OR1D2: variants seen among roughly 807,000 people sequenced by gnomAD.
The protein encoded by OR1D2 is olfactory receptor family 1 subfamily D member 2, also known as olfactory receptor 1D2.
For missense variants in OR1D2, 357 were observed against 376.1 expected, an observed-to-expected ratio of 0.95 and a Z score of 0.42; for synonymous variants, 157 against 153.9, an observed-to-expected ratio of 1.02 and a Z score of -0.15.
chr17:3,101,798 C>T (rs928127571), intron 1 of OR1D2, among the ~76,000 whole-genome samples: 4 of 152,078 alleles, frequency 2.6e-5, no homozygotes, highest in Admixed American at 6.6e-5. Context: ...ACTTCTTAAG[C>T]GATAAGCAAC....
chr17:3,094,220 T>C (rs1055315009), intron 1 of OR1D2, among the ~76,000 whole-genome samples: 10 of 152,180 alleles, frequency 6.6e-5, no homozygotes, highest in Admixed American at 3.9e-4. Flanking sequence ...AAATGGCACA[T>C]TGAGATAACT....
chr17:3,101,319 C>T (rs1291978209), intron 1 of OR1D2, among the ~76,000 whole-genome samples: 1 of 152,138 alleles, frequency 6.6e-6, no homozygotes, highest in African/African-American at 2.4e-5. Flanking sequence ...AAAAGCTTAT[C>T]CACCACGATT....
chr17:3,093,151 T>C (rs2047826238), intron 1 of OR1D2, 105 bp from the exon 2 acceptor site: 3 of 708,190 alleles, frequency 4.2e-6, no homozygotes, highest in Admixed American at 5.9e-5. Flanking sequence ...AAGTGAAAAA[T>C]ATAACAAAGT....
At chr17:3,098,510 C>T (rs2047858153) in intron 1 of OR1D2, among the ~76,000 whole-genome samples, 1 of 152,118 alleles carries the variant, frequency 6.6e-6, no homozygotes, top group Admixed American at 6.5e-5. Flanking sequence ...AAAACCCCAT[C>T]CAAGGGGCGG....
In OR1D2 at chr17:3,104,148, C is replaced by G. The variant is rs565137142; in HGVS notation, c.-100G>C. On this transcript the variant is annotated 5_prime_UTR_variant, in exon 1 of 2. Transcript: ENST00000641833. ...TCAGAGTTCACTGGTTCAGCTTCCT[C>G]CACGTTCCTGTTCTACAGGATGAAA... 1 of 152,354 alleles carries G rather than the reference C, an allele frequency of 6.6e-6. No homozygotes were observed. The highest frequency in any genetic ancestry group is 6.5e-5 in the Admixed American group (1 of 15,300). The allele number at this position is 152,354 out of a possible 1,614,324, so 9.4% of individuals were successfully genotyped here.
rs757500317 is a variant in OR1D2, at chr17:3,092,506, G to A, written c.491C>T (p.Thr164Ile). 5.5e-5 allele frequency: 89 copies of A among 1,614,016 alleles called. No homozygotes were observed. The highest frequency in any genetic ancestry group is 1.2e-4 in the African/African-American group (9 of 74,896). ...TCGTGACCCACAGAAGGTCACTCTG[G>A]TCATGAGGAGGGTGTGTATGAGGCC... ...LYGLIHTLLM[T>I]RVTFCGSRKI... is the part of the protein sequence containing the mutation. Residue 164 changes from threonine to isoleucine, a missense_variant, in exon 2 of 2, where the codon ACC (threonine) becomes ATC (isoleucine). Transcript: ENST00000641833.
chr17:3,093,066 G>A lies in OR1D2; in HGVS notation c.-50-20C>T. 1 of 1,369,572 alleles carries A rather than the reference G, an allele frequency of 7.3e-7. No individual in the cohort carries two copies. The highest frequency in any genetic ancestry group is 1.0e-6 in the Non-Finnish European group (1 of 986,254). 84.8% of individuals were successfully genotyped at this position (1,369,572 alleles called of 1,614,324 possible). A position where few individuals can be genotyped will look rare whatever the true frequency, so the allele number is the denominator to read the frequency against. On this transcript the variant is annotated intron_variant, in intron 1 of 1. Coordinates refer to ENST00000641833, the MANE Select transcript of OR1D2 (RefSeq NM_002548.3). ...AAAGTCCTTAATTGAATAAAAACAT[G>A]AAGATAAGCAAAATCAACATTTTCT...
intron 1 of OR1D2, among the ~76,000 whole-genome samples, chr17:3,094,103 C>A (rs781400306): frequency 6.6e-6 from 1 of 152,096 alleles, no homozygotes; most frequent in Non-Finnish European, 1.5e-5. Context: ...CACAGATAGA[C>A]ACAAAAACGT....
chr17:3,089,668 G>A lies in OR1D2; in HGVS notation c.*2390C>T, dbSNP rs2151706045. On this transcript the variant is annotated 3_prime_UTR_variant, in exon 2 of 2. Coordinates refer to ENST00000641833, the MANE Select transcript of OR1D2 (RefSeq NM_002548.3). ...GAGAAAGACCATTAGGTTGGGGCAG[G>A]GTTAGGCATGTGTGAGCTCCGACTC... 6.6e-6 allele frequency: 1 copy of A among 152,480 alleles called. No homozygotes were observed. Among genetic ancestry groups the A allele is most frequent in the Admixed American group, 6.5e-5 (1 of 15,304 alleles). 9.4% of individuals were successfully genotyped at this position (152,480 alleles called of 1,614,324 possible). A position where few individuals can be genotyped will look rare whatever the true frequency, so the allele number is the denominator to read the frequency against.
intron 1 of OR1D2, among the ~76,000 whole-genome samples, chr17:3,094,793 G>T (rs981893433): frequency 6.6e-6 from 1 of 152,084 alleles, no homozygotes; most frequent in Non-Finnish European, 1.5e-5. Context: ...CAGTGAGAAT[G>T]TCATGACAAA....
intron 1 of OR1D2, among the ~76,000 whole-genome samples, chr17:3,095,969 A>T (rs986394100): frequency 6.6e-6 from 1 of 152,144 alleles, no homozygotes; most frequent in Non-Finnish European, 1.5e-5. Context: ...TAATAGAATT[A>T]TATAGAAATC....
chr17:3,093,003 A>G lies in OR1D2; in HGVS notation c.-7T>C. On this transcript the variant is annotated 5_prime_UTR_variant, in exon 2 of 2. Transcript: ENST00000641833. Reference sequence around the variant, plus strand: ...TCTGGTTGCCTCCATCCATTTCCCCAACTCTCTTTTAACATTAACACCAGC... The same window carrying G: ...TCTGGTTGCCTCCATCCATTTCCCCGACTCTCTTTTAACATTAACACCAGC... 1.9e-6 allele frequency: 3 copies of G among 1,613,064 alleles called. No homozygotes were observed. Among genetic ancestry groups the G allele is most frequent in the Non-Finnish European group, 1.7e-6 (2 of 1,179,338 alleles).
At position 3,104,114 on chromosome 17, in the gene OR1D2, G is replaced by C. The variant is rs1287714995; in HGVS notation, c.-66C>G. 1 of 152,234 alleles carries C rather than the reference G, an allele frequency of 6.6e-6. No homozygotes were observed. The highest frequency in any genetic ancestry group is 2.4e-5 in the African/African-American group (1 of 41,442). 9.4% of individuals were successfully genotyped at this position (152,234 alleles called of 1,614,324 possible). On this transcript the variant is annotated 5_prime_UTR_variant, in exon 1 of 2. Coordinates refer to ENST00000641833, the MANE Select transcript of OR1D2 (RefSeq NM_002548.3). ...ATGTACAGACCTTACCCACTGCTCT[G>C]TGCTGCTCTCAGAGTTCACTGGTTC...
chr17:3,102,201 G>T (rs569929035), intron 1 of OR1D2, among the ~76,000 whole-genome samples: 5 of 152,340 alleles, frequency 3.3e-5, no homozygotes, highest in Non-Finnish European at 7.4e-5. Flanking sequence ...AGCAAATGGA[G>T]ATGAGGGAAC....
rs1162444644 is a variant in OR1D2 at position 3,092,326 on chromosome 17, G to T, written c.671C>A (p.Ala224Asp). 1.9e-6 allele frequency: 3 copies of T among 1,614,088 alleles called. No individual in the cohort carries two copies. In the African/African-American group the frequency reaches 4.0e-5, roughly 22 times the overall value. The change falls in exon 2 of 2, where the codon GCC becomes GAC. Residue 224 changes from alanine to aspartate, a missense_variant. Ala to Asp is a moderately radical substitution (Grantham distance 126). Coordinates refer to ENST00000641833, the MANE Select transcript of OR1D2 (RefSeq NM_002548.3). ...VIISYVLIIR[A>D]ILRIPSVSKK... is the part of the protein sequence containing the mutation. ...AGAGACTGAGGGTATTCTGAGGATG[G>T]CTCTGATAATCAGCACATAGGAAAT...
intron 1 of OR1D2, among the ~76,000 whole-genome samples, chr17:3,098,732 G>A (rs772675437): frequency 2.0e-5 from 3 of 152,066 alleles, no homozygotes; most frequent in Non-Finnish European, 2.9e-5. Flanking sequence ...AAACTCCTCC[G>A]AGCTAAAGGA....
chr17:3,099,065 A>T (rs560135459), intron 1 of OR1D2, among the ~76,000 whole-genome samples: 1 of 152,330 alleles, frequency 6.6e-6, no homozygotes, highest in South Asian at 2.1e-4. Flanking sequence ...GGAGTACCTG[A>T]AGGAGACAGG....
chr17:3,092,010 G>T lies in OR1D2; in HGVS notation c.*48C>A. On this transcript the variant is annotated 3_prime_UTR_variant, in exon 2 of 2. Transcript: ENST00000641833. ...CACAGGACAATCCCTTACATAGGGT[G>T]AAGGATATTCCTAGTCTCCACTTTA... 1 of 1,387,544 alleles carries T rather than the reference G, an allele frequency of 7.2e-7. No homozygotes were observed. Among genetic ancestry groups the T allele is most frequent in the Non-Finnish European group, 1.0e-6 (1 of 996,822 alleles). 86.0% of individuals were successfully genotyped at this position (1,387,544 alleles called of 1,614,324 possible).
chr17:3,098,197 T>C (rs1450163368), intron 1 of OR1D2, among the ~76,000 whole-genome samples: 1 of 152,176 alleles, frequency 6.6e-6, no homozygotes, highest in Non-Finnish European at 1.5e-5. Context: ...CGGATCTTTT[T>C]CCCTGTGCCA....
Sources: gnomAD v4.1 joint callset for allele counts (sites outside exome capture counted in the v4.1 genomes callset) on GRCh38, gnomAD v4.1.1 for gene constraint, MANE v1.5 for transcripts, NCBI Gene and HGNC (gene_info 2026-07-23, HGNC 2026-07-21) for gene names.